The following AGAP1 variants were observed in gnomAD, a reference collection of about 807,000 sequenced individuals.
AGAP1 encodes ArfGAP with GTPase domain, ankyrin repeat and PH domain 1.
AGAP1 carries 29 observed loss-of-function variants against 105.3 expected under a neutral mutation model. The ratio of observed to expected loss-of-function variants is 0.28; its 90% CI spans 0.21 to 0.38. AGAP1 has a LOEUF of 0.38. Ranked by LOEUF, AGAP1 falls within the 10% of genes least tolerant of loss-of-function variation. The pLI, the probability that AGAP1 is intolerant of heterozygous loss-of-function variation, is 1.00. For synonymous variants in AGAP1, 509 were observed against 485.9 expected (o/e 1.05, Z -0.63); for missense variants, 998 against 1,165.1 (o/e 0.86, Z 2.09).
At position 235,598,168 on chromosome 2, in the gene AGAP1, A is replaced by G. The variant is rs1317043909; in HGVS notation, c.163+103319A>G. 2.0e-5 allele frequency among the ~76,000 whole-genome samples: 3 copies of G among 151,986 alleles called. 1 individual carries two copies. Among genetic ancestry groups the G allele is most frequent in the Non-Finnish European group, 4.4e-5 (3 of 68,016 alleles). ...CCGTCGACGTCCCAAAGCTGTGCAC[A>G]TTAGGTGACTGGCGTGTCTACAGCA... On this transcript the variant is annotated intron_variant, in intron 1 of 17. Transcript: ENST00000304032.
rs143737669 is a variant in AGAP1 at position 235,501,121 on chromosome 2, T to TAC, written c.163+6274_163+6275dup. ...ATTCCTTAGCTCAGAACCCCGAACA[T>TAC]ACATTCAGGTGCACCTGCCATGTGG... On this transcript the variant is annotated intron_variant, in intron 1 of 17. Coordinates refer to ENST00000304032, the MANE Select transcript of AGAP1 (RefSeq NM_001037131.3). Among the ~76,000 whole-genome samples, 875 of 152,270 alleles carry TAC rather than the reference T, an allele frequency of 5.7e-3. 5 individuals carry two copies. Among genetic ancestry groups the TAC allele is most frequent in the Non-Finnish European group, 8.8e-3 (599 of 68,032 alleles).
Position 235,741,109 on chromosome 2 carries a change from C to T in AGAP1, c.396+61C>T. ...TCCCTTTGTTTTCTAAGGTTTGATT[C>T]AAGAAGTGCTTCTAGAAATCGGTGA... On this transcript the variant is annotated intron_variant, in intron 4 of 17. Coordinates refer to ENST00000304032, the MANE Select transcript of AGAP1 (RefSeq NM_001037131.3). This position sits in a 1 kb window ranked among gnomAD's most constrained non-coding sequence, Gnocchi z 4.9. 7.2e-7 allele frequency: 1 copy of T among 1,381,854 alleles called. No individual in the cohort carries two copies. The highest frequency in any genetic ancestry group is 9.7e-7 in the Non-Finnish European group (1 of 1,028,612). 85.6% of individuals were successfully genotyped at this position (1,381,854 alleles called of 1,614,324 possible). A position where few individuals can be genotyped will look rare whatever the true frequency, so the allele number is the denominator to read the frequency against.
At chr2:235,658,680 C>CAGCT (rs1424379989) in intron 1 of AGAP1, among the ~76,000 whole-genome samples, 1 of 152,090 alleles carries the variant, frequency 6.6e-6, no homozygotes, top group Non-Finnish European at 1.5e-5. Flanking sequence ...GCTCAAGGAA[C>CAGCT]AGCTACCCAG....
intron 13 of AGAP1, among the ~76,000 whole-genome samples, chr2:235,974,371 A>G (rs2054773585): frequency 6.6e-6 from 1 of 152,226 alleles, no homozygotes. Flanking sequence ...CATAACATCT[A>G]GAAGTTGTGT....
At chr2:235,786,254 TCTC>T (rs1956626929) in intron 6 of AGAP1, among the ~76,000 whole-genome samples, 1 of 152,242 alleles carries the variant, frequency 6.6e-6, no homozygotes, top group Non-Finnish European at 1.5e-5. Context: ...AAGTTAATCA[TCTC>T]CTGGCCTTTT....
At chr2:235,876,296 C>T (rs1037405799) in intron 9 of AGAP1, among the ~76,000 whole-genome samples, 80 of 152,054 alleles carry the variant, frequency 5.3e-4, no homozygotes, top group Non-Finnish European at 7.4e-5. Context: ...TAAATGATTA[C>T]GTCATGATTT....
rs113005686 is a variant in AGAP1, at chr2:235,950,211, C to T, written c.1484-18251C>T. Among the ~76,000 whole-genome samples the T allele has an allele frequency of 4.4e-4, 67 of 152,250 alleles. 1 individual carries two copies. Among genetic ancestry groups the T allele is most frequent in the African/African-American group, 1.6e-3 (65 of 41,550 alleles). On this transcript the variant is annotated intron_variant, in intron 12 of 17. Coordinates refer to ENST00000304032, the MANE Select transcript of AGAP1 (RefSeq NM_001037131.3). The stretch of plus-strand genomic sequence containing the variant: ...ACAAATTTGGAGTAAGAAACTCCCG[C>T]CAGTCTCATGGCCAGAGTGCCCAGG...
At chr2:235,978,546 A>G (rs968084993) in intron 13 of AGAP1, among the ~76,000 whole-genome samples, 1 of 152,172 alleles carries the variant, frequency 6.6e-6, no homozygotes, top group East Asian at 1.9e-4. Flanking sequence ...TGTTGTCACA[A>G]ATGAGGAAGA....
At chr2:236,025,499 C>T (rs1179963478) in intron 13 of AGAP1, among the ~76,000 whole-genome samples, 1 of 152,158 alleles carries the variant, frequency 6.6e-6, no homozygotes, top group African/African-American at 2.4e-5. Context: ...TGTTCCTGTT[C>T]TCTCCACACA....
At position 235,701,180 on chromosome 2, in the gene AGAP1, TG is replaced by T. The variant is rs758221063; in HGVS notation, c.164-7992del. On this transcript the variant is annotated intron_variant, in intron 1 of 17. Transcript: ENST00000304032. This position sits in a 1 kb window ranked among gnomAD's most constrained non-coding sequence, Gnocchi z 4.1. ...TGTATATTTTATATATTTATATATA[TG>T]GGGGGGTGGAAATCACTATCCTCTA... Among the ~76,000 whole-genome samples the T allele has an allele frequency of 2.1e-4, 32 of 150,818 alleles. No homozygotes were observed. The highest frequency in any genetic ancestry group is 7.3e-4 in the African/African-American group (30 of 41,076).
chr2:235,648,595 C>T (rs549541225), intron 1 of AGAP1, among the ~76,000 whole-genome samples: 59 of 151,942 alleles, frequency 3.9e-4, no homozygotes, highest in African/African-American at 1.3e-3. Context: ...GTCATGTGGC[C>T]GGGCGCGGTG....
At position 236,120,417 on chromosome 2, in the gene AGAP1, G is replaced by T; in HGVS notation, c.2340G>T (p.Gly780=). 6.2e-7 allele frequency: 1 copy of T among 1,611,542 alleles called. No homozygotes were observed. Among genetic ancestry groups the T allele is most frequent in the Non-Finnish European group, 8.5e-7 (1 of 1,179,792 alleles). ...RTALHLACRK[G]NVVLAQLLIW... ...CGCTGCATCTGGCCTGCCGCAAGGG[G>T]AATGTGGTCCTGGCGCAGCTCCTGA... Residue 780 remains glycine (G), a synonymous_variant, in exon 17 of 18, where the codon GGG becomes GGT. Coordinates refer to ENST00000304032, the MANE Select transcript of AGAP1 (RefSeq NM_001037131.3). This position sits in a 1 kb window ranked among gnomAD's most constrained non-coding sequence, Gnocchi z 6.0.
intron 9 of AGAP1, among the ~76,000 whole-genome samples, chr2:235,857,847 AAGAACCAGAGCCTGC>A (rs1448788505): frequency 6.6e-6 from 1 of 152,222 alleles, no homozygotes; most frequent in Non-Finnish European, 1.5e-5. Flanking sequence ...AAAGCGCTGG[AAGAACCAGAGCCTGC>A]AGAAGCAGGC....
chr2:235,770,441 T>C (rs928830464), intron 6 of AGAP1, among the ~76,000 whole-genome samples: 2 of 152,068 alleles, frequency 1.3e-5, no homozygotes, highest in African/African-American at 4.8e-5. Flanking sequence ...GGCCTCTTTC[T>C]TTTTGAGACA....
chr2:235,976,362 C>A lies in AGAP1; in HGVS notation c.1645+7739C>A, dbSNP rs909366618. On this transcript the variant is annotated intron_variant, in intron 13 of 17. Transcript: ENST00000304032. This position sits in a 1 kb window ranked among gnomAD's most constrained non-coding sequence, Gnocchi z 4.5. ...GACTCAAAAGCCATCCTGCAGGGTA[C>A]AGTCCGGCCGCCACAAACACACACA... Among the ~76,000 whole-genome samples, 1 of 152,120 alleles carries A rather than the reference C, an allele frequency of 6.6e-6. No homozygotes were observed. The highest frequency in any genetic ancestry group is 1.5e-5 in the Non-Finnish European group (1 of 68,018).
intron 3 of AGAP1, among the ~76,000 whole-genome samples, chr2:235,730,204 T>G (rs536853424): frequency 2.0e-5 from 3 of 152,100 alleles, no homozygotes; most frequent in Admixed American, 6.5e-5. Context: ...TCTAAAGTTA[T>G]GTTCACATAG....
intron 1 of AGAP1, among the ~76,000 whole-genome samples, chr2:235,616,504 A>G (rs1403644356): frequency 6.6e-6 from 1 of 152,244 alleles, no homozygotes; most frequent in African/African-American, 2.4e-5. Context: ...AGCCATCTGG[A>G]GAGAAATTTG....
At chr2:235,925,330 C>T (rs893873481) in intron 11 of AGAP1, among the ~76,000 whole-genome samples, 1 of 152,092 alleles carries the variant, frequency 6.6e-6, no homozygotes, top group Non-Finnish European at 1.5e-5. Context: ...CAGAGTTTTC[C>T]CACATCTAAA....
chr2:235,520,945 T>C lies in AGAP1; in HGVS notation c.163+26096T>C, dbSNP rs567744521. Among the ~76,000 whole-genome samples, 8 of 152,332 alleles carry C rather than the reference T, an allele frequency of 5.3e-5. No homozygotes were observed. The South Asian group carries it at 1.7e-3, about 32-fold the overall frequency. The stretch of plus-strand genomic sequence containing the variant: ...GGAAGCCTTCTGTGTTCTCTTGACA[T>C]GACATTGACCACTTCCTGGATTTCT... On this transcript the variant is annotated intron_variant, in intron 1 of 17. Transcript: ENST00000304032.
Sources: allele counts gnomAD v4.1 joint callset (sites outside exome capture counted in the v4.1 genomes callset), GRCh38; gene constraint gnomAD v4.1.1; non-coding constraint Gnocchi (gnomAD v3.1); transcripts MANE v1.5; gene names NCBI Gene and HGNC (gene_info 2026-07-23, HGNC 2026-07-21).